PLCB1: variants seen among roughly 807,000 people sequenced by gnomAD.
The protein encoded by PLCB1 is 1-phosphatidylinositol 4,5-bisphosphate phosphodiesterase beta-1.
Under a neutral mutation model 161.8 loss-of-function variants are expected in PLCB1, and 46 were observed. That is an observed-to-expected ratio of 0.28 (90% CI 0.22 to 0.36). The LOEUF (loss-of-function observed/expected upper bound fraction) is 0.36. Among genes scored for constraint, PLCB1 ranks in the 10% least tolerant of loss-of-function variants. PLCB1 has a pLI of 1.00. For missense variants in PLCB1, 1,016 were observed against 1,472.5 expected, an observed-to-expected ratio of 0.69 and a Z score of 5.07; for synonymous variants, 517 against 503.7, an observed-to-expected ratio of 1.03 and a Z score of -0.35.
chr20:8,417,373 A>AAC (rs1276806744), intron 3 of PLCB1, among the ~76,000 whole-genome samples: 1 of 151,580 alleles, frequency 6.6e-6, no homozygotes, highest in African/African-American at 2.4e-5. Flanking sequence ...CCACATTTAT[A>AAC]ACACACACAT....
At chr20:8,776,719 A>G (rs1982961884) in intron 27 of PLCB1, among the ~76,000 whole-genome samples, 1 of 152,214 alleles carries the variant, frequency 6.6e-6, no homozygotes, top group Non-Finnish European at 1.5e-5. Context: ...TGCTTGTTAA[A>G]TATTTTTAAA....
At chr20:8,530,385 C>T (rs995253673) in intron 3 of PLCB1, among the ~76,000 whole-genome samples, 19 of 152,116 alleles carry the variant, frequency 1.2e-4, no homozygotes, top group African/African-American at 4.6e-4. Context: ...AGCTTTGATA[C>T]CTAATATATT....
At chr20:8,648,930 G>A in intron 6 of PLCB1, among the ~76,000 whole-genome samples, 1 of 141,106 alleles carries the variant, frequency 7.1e-6, no homozygotes, top group East Asian at 2.0e-4. Context: ...AACAATGTGA[G>A]ACCCTGTCTC....
chr20:8,389,217 C>G (rs937043853), intron 3 of PLCB1, among the ~76,000 whole-genome samples: 1 of 152,226 alleles, frequency 6.6e-6, no homozygotes, highest in African/African-American at 2.4e-5. Flanking sequence ...GTTAAATCTG[C>G]ATGTTTAGGC....
At chr20:8,809,928 G>A (rs111361828) in intron 31 of PLCB1, among the ~76,000 whole-genome samples, 4 of 152,060 alleles carry the variant, frequency 2.6e-5, no homozygotes, top group African/African-American at 4.8e-5. Context: ...CAGCTGTAAC[G>A]TAACATACCT....
intron 1 of PLCB1, 28 bp from the exon 2 acceptor site, chr20:8,150,266 A>G (rs773702077): frequency 2.0e-6 from 2 of 982,114 alleles, no homozygotes; most frequent in Non-Finnish European, 1.6e-6. Flanking sequence ...ATATATGTTG[A>G]TATTCATGTT....
At chr20:8,541,605 A>AAGG (rs1985334539) in intron 3 of PLCB1, among the ~76,000 whole-genome samples, 2 of 149,876 alleles carry the variant, frequency 1.3e-5, no homozygotes, top group Admixed American at 6.6e-5. Context: ...AGAAAGAAAG[A>AAGG]AAGGAAGGAA....
rs1182456096 is a variant in PLCB1 at position 8,789,505 on chromosome 20, C to G, written c.3279-13C>G. 1 of 1,583,512 alleles carries G rather than the reference C, an allele frequency of 6.3e-7. No homozygotes were observed. Reference sequence around the variant, plus strand: ...TGAATTGGTATAATGATGTATTCATCATTTGCTTTTAGGGAGAAGACAGAG... The same window carrying G: ...TGAATTGGTATAATGATGTATTCATGATTTGCTTTTAGGGAGAAGACAGAG... On this transcript the variant is annotated splice_polypyrimidine_tract_variant and intron_variant, in intron 29 of 31. Transcript: ENST00000338037.
chr20:8,332,484 A>T (rs1220842921), intron 2 of PLCB1, among the ~76,000 whole-genome samples: 1 of 152,254 alleles, frequency 6.6e-6, no homozygotes, highest in African/African-American at 2.4e-5. Flanking sequence ...TCAATAATCA[A>T]AATGTACTGG....
At chr20:8,745,433 A>G (rs1241694667) in intron 23 of PLCB1, among the ~76,000 whole-genome samples, 1 of 152,154 alleles carries the variant, frequency 6.6e-6, no homozygotes, top group Non-Finnish European at 1.5e-5. Context: ...TTTGAACATT[A>G]AAAATGTCAT....
At chr20:8,158,954 G>T (rs2051592566) in intron 2 of PLCB1, among the ~76,000 whole-genome samples, 2 of 149,714 alleles carry the variant, frequency 1.3e-5, no homozygotes, top group African/African-American at 4.9e-5. Flanking sequence ...GGCATTGAGT[G>T]TCTGTGGCTT....
intron 3 of PLCB1, among the ~76,000 whole-genome samples, chr20:8,624,665 A>G (rs934367371): frequency 6.6e-6 from 1 of 152,164 alleles, no homozygotes; most frequent in Admixed American, 6.5e-5. Context: ...TCAGTGGCCA[A>G]TTACCTGAAA....
intron 14 of PLCB1, among the ~76,000 whole-genome samples, chr20:8,718,569 T>G (rs1979461151): frequency 6.6e-6 from 1 of 152,150 alleles, no homozygotes; most frequent in Non-Finnish European, 1.5e-5. Context: ...TGGTCACATC[T>G]CCCTCTGACC....
intron 3 of PLCB1, among the ~76,000 whole-genome samples, chr20:8,445,548 A>G (rs1600406177): frequency 6.6e-6 from 1 of 152,018 alleles, no homozygotes; most frequent in East Asian, 1.9e-4. Context: ...TTGGTTCCAT[A>G]TGAACTTTAA....
intron 31 of PLCB1, among the ~76,000 whole-genome samples, chr20:8,878,823 C>G (rs537077675): frequency 2.7e-5 from 4 of 150,864 alleles, no homozygotes; most frequent in African/African-American, 9.8e-5. Context: ...GGTACATGTA[C>G]AGGTTTGTTA....
Position 8,788,517 on chromosome 20 carries a change from C to G in PLCB1, c.3180C>G (p.Ile1060Met), listed in dbSNP as rs1043961648. The change falls in exon 28 of 32, where the codon ATC becomes ATG. Residue 1060 changes from isoleucine to methionine, a missense_variant. Ile to Met is a conservative substitution (Grantham distance 10). Coordinates refer to ENST00000338037, the MANE Select transcript of PLCB1 (RefSeq NM_015192.4). ...ATCAGTTAAAGAAGCTCAAAGAAAT[C>G]TGTGAGAAGTAAGCCCTCATTCCCA... ...QNNQLKKLKE[I>M]CEKEKKELKK... 1 of 1,613,190 alleles carries G rather than the reference C, an allele frequency of 6.2e-7. No homozygotes were observed. Among genetic ancestry groups the G allele is most frequent in the Non-Finnish European group, 8.5e-7 (1 of 1,179,588 alleles).
intron 31 of PLCB1, among the ~76,000 whole-genome samples, chr20:8,857,355 A>G (rs1340075087): frequency 1.3e-5 from 2 of 152,222 alleles, no homozygotes; most frequent in Admixed American, 1.3e-4. Flanking sequence ...AAATTTAAAT[A>G]AAGTATATCT....
chr20:8,774,096 T>A (rs982348698), intron 26 of PLCB1, among the ~76,000 whole-genome samples: 6 of 152,222 alleles, frequency 3.9e-5, no homozygotes, highest in Non-Finnish European at 8.8e-5. Context: ...ACAAGGCACA[T>A]CTTTAGCTTC....
At chr20:8,137,766 T>C (rs946787588) in intron 1 of PLCB1, among the ~76,000 whole-genome samples, 2 of 152,230 alleles carry the variant, frequency 1.3e-5, no homozygotes, top group Admixed American at 1.3e-4. Flanking sequence ...CTACGTCCCC[T>C]TCTAAGGGTA....
Sources: allele counts gnomAD v4.1 joint callset (sites outside exome capture counted in the v4.1 genomes callset), GRCh38; gene constraint gnomAD v4.1.1; transcripts MANE v1.5; gene names NCBI Gene and HGNC (gene_info 2026-07-23, HGNC 2026-07-21).